LRRC3B: variants seen among roughly 807,000 people sequenced by gnomAD.
The protein encoded by LRRC3B is leucine-rich repeat-containing protein 3B.
LRRC3B carries 2 observed loss-of-function variants against 12.8 expected under a neutral mutation model. The observed-to-expected ratio is 0.16, with a 90% confidence interval of 0.06 to 0.49. The LOEUF is 0.49. Among genes scored for constraint, LRRC3B ranks in the 20% least tolerant of loss-of-function variants. LRRC3B has a pLI of 0.96. For synonymous variants in LRRC3B, 132 were observed against 122.0 expected, an observed-to-expected ratio of 1.08 and a Z score of -0.54; for missense variants, 189 against 319.4, an observed-to-expected ratio of 0.59 and a Z score of 3.11.
At chr3:26,686,153 C>T (rs189084761) in intron 1 of LRRC3B, among the ~76,000 whole-genome samples, 15 of 152,082 alleles carry the variant, frequency 9.9e-5, no homozygotes, top group Admixed American at 3.9e-4. Flanking sequence ...AATTGTGGCT[C>T]ACTGCAAGCT....
At chr3:26,681,459 T>C (rs953398623) in intron 1 of LRRC3B, among the ~76,000 whole-genome samples, 1 of 152,210 alleles carries the variant, frequency 6.6e-6, no homozygotes, top group African/African-American at 2.4e-5. Context: ...TTCCATAATG[T>C]CTATGAGCTC....
chr3:26,670,863 G>A (rs539286701), intron 1 of LRRC3B, among the ~76,000 whole-genome samples: 1 of 152,010 alleles, frequency 6.6e-6, no homozygotes, highest in Non-Finnish European at 1.5e-5. Flanking sequence ...AACTATTAAT[G>A]GTTTTATTAT....
At position 26,673,885 on chromosome 3, in the gene LRRC3B, G is replaced by A. The variant is rs1217153268; in HGVS notation, c.-160-35628G>A. 1.3e-5 allele frequency among the ~76,000 whole-genome samples: 2 copies of A among 152,140 alleles called. 1 individual carries two copies. The highest frequency in any genetic ancestry group is 4.1e-4 in the South Asian group (2 of 4,826). ...CTCTTTTGAGGTTCTTCTTGAAATT[G>A]GTCCCTGGTTTGTGGACCACATTGG... On this transcript the variant is annotated intron_variant, in intron 1 of 1. Transcript: ENST00000396641.
At position 26,660,787 on chromosome 3, in the gene LRRC3B, AAATTCT is replaced by A. The variant is rs1320799241; in HGVS notation, c.-161+37551_-161+37556del. On this transcript the variant is annotated intron_variant, in intron 1 of 1. Transcript: ENST00000396641. ...CTTGAGGTCAGAGAGCACTCAGTCC[AAATTCT>A]GCTTTTTTCATTTCTGAGCTGCATG... Among the ~76,000 whole-genome samples the A allele has an allele frequency of 2.0e-5, 3 of 152,300 alleles. No homozygotes were observed. The East Asian group carries it at 5.8e-4, about 29-fold the overall frequency.
At chr3:26,640,050 C>T (rs1698990471) in intron 1 of LRRC3B, among the ~76,000 whole-genome samples, 1 of 152,144 alleles carries the variant, frequency 6.6e-6, no homozygotes, top group South Asian at 2.1e-4. Flanking sequence ...CCAAGCCCCA[C>T]AAGGCAGCCA....
intron 1 of LRRC3B, among the ~76,000 whole-genome samples, chr3:26,698,495 A>G (rs1214070682): frequency 6.6e-6 from 1 of 151,822 alleles, no homozygotes; most frequent in Non-Finnish European, 1.5e-5. Context: ...GATAAGCCTT[A>G]CTCTATCTAG....
At chr3:26,700,936 G>A (rs1232486090) in intron 1 of LRRC3B, among the ~76,000 whole-genome samples, 1 of 152,128 alleles carries the variant, frequency 6.6e-6, no homozygotes, top group Non-Finnish European at 1.5e-5. Context: ...GGTGATACAT[G>A]TGTAACCAGT....
At chr3:26,653,269 C>A (rs554837091) in intron 1 of LRRC3B, among the ~76,000 whole-genome samples, 1 of 152,288 alleles carries the variant, frequency 6.6e-6, no homozygotes, top group Non-Finnish European at 1.5e-5. Context: ...ACTTGCATCT[C>A]CTTGACATTC....
At position 26,689,387 on chromosome 3, in the gene LRRC3B, C is replaced by T. The variant is rs1700146784; in HGVS notation, c.-160-20126C>T. On this transcript the variant is annotated intron_variant, in intron 1 of 1. Transcript: ENST00000396641. ...TCTGGGACACCAGGACCAGTCCTGA[C>T]AGGTTAAACAATGGTGACCTCCTCA... Among the ~76,000 whole-genome samples, 6 of 152,312 alleles carry T rather than the reference C, an allele frequency of 3.9e-5. No homozygotes were observed. The South Asian group carries it at 1.2e-3, about 32-fold the overall frequency.
intron 1 of LRRC3B, among the ~76,000 whole-genome samples, chr3:26,674,483 G>T (rs1699817320): frequency 6.6e-6 from 1 of 152,238 alleles, no homozygotes; most frequent in South Asian, 2.1e-4. Context: ...AGGAAAGAAG[G>T]TTGCTTTTTA....
chr3:26,653,102 A>T (rs1699299098), intron 1 of LRRC3B, among the ~76,000 whole-genome samples: 1 of 151,010 alleles, frequency 6.6e-6, no homozygotes, highest in South Asian at 2.1e-4. Flanking sequence ...GGGATCAAAA[A>T]AAAAAAAAAA....
At chr3:26,633,236 G>A (rs78987777) in intron 1 of LRRC3B, among the ~76,000 whole-genome samples, 1 of 151,946 alleles carries the variant, frequency 6.6e-6, no homozygotes, top group East Asian at 1.9e-4. Flanking sequence ...TTCATCCAAA[G>A]GTAGCCCGAC....
intron 1 of LRRC3B, among the ~76,000 whole-genome samples, chr3:26,685,694 T>C (rs2125445208): frequency 6.6e-6 from 1 of 150,838 alleles, no homozygotes; most frequent in South Asian, 2.1e-4. Context: ...TTAATTTACT[T>C]AGGCAGTGCA....
chr3:26,643,387 G>A (rs560192685), intron 1 of LRRC3B, among the ~76,000 whole-genome samples: 41 of 152,112 alleles, frequency 2.7e-4, no homozygotes, highest in African/African-American at 8.0e-4. Flanking sequence ...GTGTTTATAT[G>A]TGTGTGATAT....
At chr3:26,672,948 A>G (rs773006894) in intron 1 of LRRC3B, among the ~76,000 whole-genome samples, 13 of 152,182 alleles carry the variant, frequency 8.5e-5, no homozygotes, top group Non-Finnish European at 1.6e-4. Flanking sequence ...TCTCCTTCAA[A>G]ATGTGAAATG....
intron 1 of LRRC3B, among the ~76,000 whole-genome samples, chr3:26,632,121 G>A (rs1698769570): frequency 6.6e-6 from 1 of 152,190 alleles, no homozygotes; most frequent in Non-Finnish European, 1.5e-5. Flanking sequence ...GACACAAAAA[G>A]AGCAATAGCT....
intron 1 of LRRC3B, among the ~76,000 whole-genome samples, chr3:26,632,029 A>C (rs1698767389): frequency 6.6e-6 from 1 of 152,232 alleles, no homozygotes; most frequent in Admixed American, 6.5e-5. Flanking sequence ...TCCAACAATG[A>C]TAGATGGACA....
chr3:26,696,525 T>C (rs1314985811), intron 1 of LRRC3B, among the ~76,000 whole-genome samples: 1 of 151,516 alleles, frequency 6.6e-6, no homozygotes, highest in Admixed American at 6.6e-5. Context: ...ATGCTGTTTG[T>C]AAGTGAGGTT....
At chr3:26,651,449 T>C (rs932662191) in intron 1 of LRRC3B, among the ~76,000 whole-genome samples, 2 of 152,236 alleles carry the variant, frequency 1.3e-5, no homozygotes, top group African/African-American at 4.8e-5. Flanking sequence ...TACCTGTGTG[T>C]ATCTGTGTGT....
Sources: allele counts gnomAD v4.1 joint callset (sites outside exome capture counted in the v4.1 genomes callset), GRCh38; gene constraint gnomAD v4.1.1; transcripts MANE v1.5; gene names NCBI Gene and HGNC (gene_info 2026-07-23, HGNC 2026-07-21).